The following PRELID2 variants were observed in gnomAD, a reference collection of about 807,000 sequenced individuals.
PRELID2 encodes the protein PRELI domain containing 2.
Under a neutral mutation model 28.4 loss-of-function variants are expected in PRELID2, and 25 were observed. That is an observed-to-expected ratio of 0.88 (90% CI 0.64 to 1.23). PRELID2 has a LOEUF of 1.23. PRELID2 is among the 50% of genes most tolerant of loss of function. The pLI is 0.00. For synonymous variants in PRELID2, 76 were observed against 71.6 expected (o/e 1.06, Z -0.31); for missense variants, 201 against 214.4 (o/e 0.94, Z 0.39).
intron 4 of PRELID2, among the ~76,000 whole-genome samples, chr5:145,807,712 C>A (rs1467365877): frequency 6.6e-6 from 1 of 152,138 alleles, no homozygotes; most frequent in Admixed American, 6.5e-5. Context: ...ACCCACAACC[C>A]CCCGACCCTG....
At chr5:145,615,097 T>C (rs1378592055) in intron 1 of PRELID2, among the ~76,000 whole-genome samples, 1 of 151,406 alleles carries the variant, frequency 6.6e-6, no homozygotes, top group Admixed American at 6.6e-5. Flanking sequence ...CAGTGTTAGA[T>C]GCATATATCT....
chr5:145,614,258 C>T (rs1378887107), intron 1 of PRELID2, among the ~76,000 whole-genome samples: 2 of 152,174 alleles, frequency 1.3e-5, no homozygotes, highest in Non-Finnish European at 2.9e-5. Context: ...AGTGTGATGC[C>T]TCCAAATTTG....
At chr5:145,745,769 A>C (rs1040882651) in intron 1 of PRELID2, among the ~76,000 whole-genome samples, 1 of 152,150 alleles carries the variant, frequency 6.6e-6, no homozygotes, top group African/African-American at 2.4e-5. Context: ...AGGCTGAGGC[A>C]GGAGAATCGC....
chr5:145,380,277 G>C, the PRELID2 span, among the ~76,000 whole-genome samples: 1 of 152,132 alleles, frequency 6.6e-6, no homozygotes, highest in East Asian at 1.9e-4. Context: ...CCAGTACTTG[G>C]TAGCCCCATG....
chr5:145,353,031 C>T, the PRELID2 span, among the ~76,000 whole-genome samples: 1 of 152,114 alleles, frequency 6.6e-6, no homozygotes, highest in Non-Finnish European at 1.5e-5. Context: ...TCTTCTGAGC[C>T]CTCCAAACTG....
At chr5:145,649,005 T>A (rs1754243132) in intron 1 of PRELID2, among the ~76,000 whole-genome samples, 1 of 152,104 alleles carries the variant, frequency 6.6e-6, no homozygotes, top group Non-Finnish European at 1.5e-5. Context: ...TTTTTCACTT[T>A]TCATGCAGTA....
intron 4 of PRELID2, among the ~76,000 whole-genome samples, chr5:145,802,919 G>A (rs1232757792): frequency 1.3e-5 from 2 of 152,194 alleles, no homozygotes; most frequent in African/African-American, 4.8e-5. Flanking sequence ...CACCAGTGCT[G>A]AATCCTCAAA....
the PRELID2 span, among the ~76,000 whole-genome samples, chr5:145,274,127 A>G: frequency 6.6e-6 from 1 of 152,148 alleles, no homozygotes; most frequent in Non-Finnish European, 1.5e-5. Context: ...ATTCAAATGA[A>G]TCATTTCCTA....
intron 1 of PRELID2, among the ~76,000 whole-genome samples, chr5:145,704,590 GAA>G (rs1159050592): frequency 1.1e-3 from 165 of 152,298 alleles, no homozygotes; most frequent in African/African-American, 3.8e-3. Flanking sequence ...GAAAACTTTT[GAA>G]ATATCTGCCT....
At chr5:145,598,717 G>T (rs939020716) in intron 1 of PRELID2, among the ~76,000 whole-genome samples, 1 of 152,052 alleles carries the variant, frequency 6.6e-6, no homozygotes, top group African/African-American at 2.4e-5. Flanking sequence ...AGTAAGCACA[G>T]ACAATCTATG....
At chr5:145,828,830 ATCTTTT>A (rs1755383969) in intron 1 of PRELID2, among the ~76,000 whole-genome samples, 1 of 142,414 alleles carries the variant, frequency 7.0e-6, no homozygotes, top group Non-Finnish European at 1.5e-5. Context: ...AGTGAAAAAA[ATCTTTT>A]TTTTTTTTTT....
chr5:145,343,911 G>C, the PRELID2 span, among the ~76,000 whole-genome samples: 1 of 151,850 alleles, frequency 6.6e-6, no homozygotes, highest in African/African-American at 2.4e-5. Flanking sequence ...TGAAAACCTA[G>C]GGGGAATGGA....
intron 1 of PRELID2, among the ~76,000 whole-genome samples, chr5:145,497,721 A>C (rs1457000260): frequency 1.3e-5 from 2 of 152,312 alleles, no homozygotes; most frequent in East Asian, 1.9e-4. Flanking sequence ...AGCCATTGGA[A>C]CAACAGATGG....
At chr5:145,825,952 T>G (rs1755164647) in intron 1 of PRELID2, 1 of 876,272 alleles carries the variant, frequency 1.1e-6, no homozygotes, top group Non-Finnish European at 1.4e-6. Flanking sequence ...TGAGAAAAAG[T>G]TGAAAGAGGG....
At chr5:145,807,525 C>T (rs1292102106) in intron 4 of PRELID2, among the ~76,000 whole-genome samples, 1 of 151,962 alleles carries the variant, frequency 6.6e-6, no homozygotes, top group African/African-American at 2.4e-5. Context: ...CTCAGGCCAG[C>T]TTTATCCCTT....
intron 1 of PRELID2, among the ~76,000 whole-genome samples, chr5:145,485,960 G>A (rs1445659728): frequency 6.6e-6 from 1 of 152,166 alleles, no homozygotes; most frequent in Non-Finnish European, 1.5e-5. Context: ...ACACAGGGAT[G>A]CATGCTTTCA....
downstream of PRELID2, among the ~76,000 whole-genome samples, chr5:145,467,772 T>G: frequency 6.6e-6 from 1 of 151,946 alleles, no homozygotes; most frequent in African/African-American, 2.4e-5. Flanking sequence ...AGATTTTTTT[T>G]TTTTTGGCTT....
chr5:145,240,413 AT>A, the PRELID2 span, among the ~76,000 whole-genome samples: 2 of 151,762 alleles, frequency 1.3e-5, no homozygotes, highest in Admixed American at 1.3e-4. Context: ...AAACAAAAAT[AT>A]TTTTTTCTGA....
intron 1 of PRELID2, among the ~76,000 whole-genome samples, chr5:145,737,327 T>C (rs919677091): frequency 1.3e-5 from 2 of 151,390 alleles, no homozygotes; most frequent in African/African-American, 4.9e-5. Flanking sequence ...CGCTGAGAAA[T>C]AAAGGAAAAG....
Sources: allele counts gnomAD v4.1 joint callset (sites outside exome capture counted in the v4.1 genomes callset), GRCh38; gene constraint gnomAD v4.1.1; transcripts MANE v1.5; gene names NCBI Gene and HGNC (gene_info 2026-07-23, HGNC 2026-07-21).